The following LRP5 variants were observed in gnomAD, a reference collection of about 807,000 sequenced individuals.
LRP5 encodes the protein low-density lipoprotein receptor-related protein 5.
In LRP5, 62 loss-of-function variants were observed where a neutral mutation model predicts 154.1. The observed-to-expected ratio is 0.40, with a 90% CI of 0.33 to 0.50. LRP5 has a LOEUF of 0.50. Among genes scored for constraint, LRP5 ranks in the 20% least tolerant of loss-of-function variants. LRP5 has a pLI of 0.55. For missense variants in LRP5, 1,915 were observed against 2,336.7 expected (o/e 0.82, Z 3.72); for synonymous variants, 966 against 1,011.5 (o/e 0.96, Z 0.85).
In LRP5 at chr11:68,415,913, G is replaced by A. The variant is rs1270990854; in HGVS notation, c.2828-415G>A. Among the ~76,000 whole-genome samples, 2 of 115,312 alleles carry A rather than the reference G, an allele frequency of 1.7e-5. 1 individual carries two copies. Among genetic ancestry groups the A allele is most frequent in the Non-Finnish European group, 3.8e-5 (2 of 52,264 alleles). 75.6% of individuals were successfully genotyped at this position (115,312 alleles called of 152,430 possible). A position where few individuals can be genotyped will look rare whatever the true frequency, so the allele number is the denominator to read the frequency against. On this transcript the variant is annotated intron_variant, in intron 12 of 22. Transcript: ENST00000294304. Reference sequence around the variant, plus strand: ...TACTAAAAATACAAAAAATGAGCCAGGCGTGGTGACGGGCGCCTGTAGTCC... The same window carrying A: ...TACTAAAAATACAAAAAATGAGCCAAGCGTGGTGACGGGCGCCTGTAGTCC...
intron 21 of LRP5, among the ~76,000 whole-genome samples, chr11:68,443,449 C>T (rs1173171219): frequency 7.8e-6 from 1 of 128,016 alleles, no homozygotes; most frequent in Middle Eastern, 4.0e-3. Flanking sequence ...GAGATCGCGC[C>T]ATTGCACTCC....
At chr11:68,393,140 C>CAAAAA (rs147042639) in intron 7 of LRP5, among the ~76,000 whole-genome samples, 2 of 147,334 alleles carry the variant, frequency 1.4e-5, no homozygotes, top group East Asian at 4.0e-4. Flanking sequence ...AAAAAAAAAA[C>CAAAAA]AAAAAAAAAA....
At chr11:68,443,585 A>ATATATT (rs1259673892) in intron 21 of LRP5, among the ~76,000 whole-genome samples, 38 of 24,820 alleles carry the variant, frequency 1.5e-3, no homozygotes, top group East Asian at 3.1e-3. Context: ...ATATATATAT[A>ATATATT]TTTTTTTTTT....
At position 68,411,562 on chromosome 11, in the gene LRP5, C is replaced by A; in HGVS notation, c.2445C>A (p.Asp815Glu). 6.2e-7 allele frequency: 1 copy of A among 1,613,780 alleles called. No homozygotes were observed. Residue 815 changes from aspartate to glutamate, a missense_variant, in exon 11 of 23, where the codon GAC becomes GAA. Around this residue, in one of 3 missense-constraint regions of LRP5, gnomAD observed 1,094 missense variants for 1,210.1 expected, o/e 0.90. Transcript: ENST00000294304. Reference sequence around the variant, plus strand: ...ACGACCTCACCATTGACTACGCTGACCAGCGCCTCTACTGGACCGACCTGG... The same window carrying A: ...ACGACCTCACCATTGACTACGCTGAACAGCGCCTCTACTGGACCGACCTGG... ...RANDLTIDYA[D>E]QRLYWTDLDT...
Position 68,363,778 on chromosome 11 carries a change from C to T in LRP5, c.718C>T (p.Pro240Ser). Reference sequence around the variant, plus strand: ...GGTGGTGGAGGGCAGCCTGACGCACCCCTTCGCCCTGACGCTCTCCGGGGA... The same window carrying T: ...GGTGGTGGAGGGCAGCCTGACGCACTCCTTCGCCCTGACGCTCTCCGGGGA... ...QKVVEGSLTH[P>S]FALTLSGDTL... is the part of the protein sequence containing the mutation. The change falls in exon 4 of 23, where the codon CCC becomes TCC. Residue 240 changes from proline to serine, a missense_variant. Physicochemically the swap from Pro to Ser is moderately conservative, Grantham distance 74. Coordinates refer to ENST00000294304, the MANE Select transcript of LRP5 (RefSeq NM_002335.4). The T allele has an allele frequency of 6.2e-7, 1 of 1,613,012 alleles. No individual in the cohort carries two copies. Among genetic ancestry groups the T allele is most frequent in the Non-Finnish European group, 8.5e-7 (1 of 1,179,932 alleles).
rs1591338301 is a variant in LRP5 at position 68,446,313 on chromosome 11, G to A, written c.4489-123G>A. 5 of 753,354 alleles carry A rather than the reference G, an allele frequency of 6.6e-6. No individual in the cohort carries two copies. The East Asian group carries it at 7.8e-5, about 12-fold the overall frequency. The allele number at this position is 753,354 out of a possible 1,614,324, so 46.7% of individuals were successfully genotyped here. Reference sequence around the variant, plus strand: ...AGGTTTTGCCAACTGGCCAGAGGAAGGGGTCCTGGGAAGCAGGGGGGCCAG... The same window carrying A: ...AGGTTTTGCCAACTGGCCAGAGGAAAGGGTCCTGGGAAGCAGGGGGGCCAG... On this transcript the variant is annotated intron_variant, in intron 21 of 22. Transcript: ENST00000294304.
intron 5 of LRP5, among the ~76,000 whole-genome samples, chr11:68,381,584 G>A (rs143643866): frequency 5.1e-4 from 78 of 152,328 alleles, no homozygotes; most frequent in African/African-American, 1.7e-3. Flanking sequence ...GGAGAGGTCA[G>A]CAGCCCGCCT....
At chr11:68,316,186 C>T (rs2098593282) in intron 1 of LRP5, among the ~76,000 whole-genome samples, 1 of 152,116 alleles carries the variant, frequency 6.6e-6, no homozygotes, top group African/African-American at 2.4e-5. Flanking sequence ...TGAAGGGAAT[C>T]TTACAATGCG....
chr11:68,348,452 C>T (rs1444081992), intron 2 of LRP5, among the ~76,000 whole-genome samples: 1 of 146,916 alleles, frequency 6.8e-6, no homozygotes, highest in Non-Finnish European at 1.5e-5. Flanking sequence ...GCCTGTAACC[C>T]CAGCACTCGG....
chr11:68,334,078 A>G (rs1207213414), intron 1 of LRP5, among the ~76,000 whole-genome samples: 1 of 152,206 alleles, frequency 6.6e-6, no homozygotes, highest in East Asian at 1.9e-4. Flanking sequence ...TACTAAAAAT[A>G]CAAAAATTAG....
At chr11:68,402,707 T>G (rs2098653290) in intron 7 of LRP5, among the ~76,000 whole-genome samples, 4 of 152,188 alleles carry the variant, frequency 2.6e-5, no homozygotes. Context: ...TCTGGAGCCC[T>G]CCGCCCATTG....
At chr11:68,442,792 G>C (rs1212945168) in intron 21 of LRP5, among the ~76,000 whole-genome samples, 1 of 152,216 alleles carries the variant, frequency 6.6e-6, no homozygotes, top group Non-Finnish European at 1.5e-5. Flanking sequence ...GAAGAACTGA[G>C]CATGAACCAC....
chr11:68,436,375 C>G (rs2098674936), intron 18 of LRP5, among the ~76,000 whole-genome samples: 1 of 152,110 alleles, frequency 6.6e-6, no homozygotes, highest in Admixed American at 6.5e-5. Context: ...CTGGCTTGCT[C>G]TTCCTCCCTG....
At chr11:68,349,663 C>T (rs1591207483) in intron 2 of LRP5, among the ~76,000 whole-genome samples, 1 of 152,204 alleles carries the variant, frequency 6.6e-6, no homozygotes, top group Non-Finnish European at 1.5e-5. Context: ...GTGGGGAGAG[C>T]GTGGGTGGCA....
intron 1 of LRP5, among the ~76,000 whole-genome samples, chr11:68,335,591 G>T (rs1246005289): frequency 6.6e-6 from 1 of 152,022 alleles, no homozygotes; most frequent in East Asian, 2.0e-4. Context: ...ACTGTATATT[G>T]TTGATTCATT....
intron 9 of LRP5, among the ~76,000 whole-genome samples, chr11:68,409,109 C>T (rs1321820737): frequency 1.5e-4 from 14 of 94,520 alleles, no homozygotes; most frequent in East Asian, 4.9e-4. Context: ...CACACATACA[C>T]GCACACACAC....
chr11:68,422,835 T>G, intron 13 of LRP5, among the ~76,000 whole-genome samples: 1 of 142,470 alleles, frequency 7.0e-6, no homozygotes, highest in Non-Finnish European at 1.5e-5. Flanking sequence ...ACCTCCCCTG[T>G]ACCTTCACCT....
chr11:68,408,531 G>A (rs2098657034), intron 9 of LRP5, among the ~76,000 whole-genome samples: 1 of 152,120 alleles, frequency 6.6e-6, no homozygotes, highest in South Asian at 2.1e-4. Context: ...GACCGTTGCT[G>A]ACACCTCAGC....
rs755593193 is a variant in LRP5 at position 68,348,007 on chromosome 11, G to A, written c.252G>A (p.Glu84=). 3.1e-6 allele frequency: 5 copies of A among 1,614,048 alleles called. No homozygotes were observed. The highest frequency in any genetic ancestry group is 1.6e-4 in the Middle Eastern group (1 of 6,084). The part of the protein sequence containing the change: ...KGAVYWTDVS[E]EAIKQTYLNQ... ...CCGTGTACTGGACAGACGTGAGCGA[G>A]GAGGCCATCAAGCAGACCTACCTGA... is the stretch of plus-strand genomic sequence containing the variant. Residue 84 remains glutamate, a synonymous_variant, in exon 2 of 23, where the codon GAG becomes GAA. Coordinates refer to ENST00000294304, the MANE Select transcript of LRP5 (RefSeq NM_002335.4).
Sources: allele counts gnomAD v4.1 joint callset (sites outside exome capture counted in the v4.1 genomes callset), GRCh38; gene constraint gnomAD v4.1.1; regional missense constraint gnomAD v4.1.1; transcripts MANE v1.5; gene names NCBI Gene and HGNC (gene_info 2026-07-23, HGNC 2026-07-21).